SAMMSON: variants seen among roughly 807,000 people sequenced by gnomAD.
SAMMSON encodes the protein long intergenic non-protein coding RNA 1212.
chr3:70,208,489 A>T (rs979225869), intron 4 of SAMMSON, among the ~76,000 whole-genome samples: 1 of 152,048 alleles, frequency 6.6e-6, no homozygotes, highest in East Asian at 1.9e-4. Context: ...CACCTGGAAA[A>T]TCTTTTTAAA....
chr3:70,172,565 G>A (rs1376804641), intron 4 of SAMMSON: 1 of 152,008 alleles, frequency 6.6e-6, no homozygotes, highest in Non-Finnish European at 1.5e-5. Context: ...CTTGGAAGAT[G>A]TCAGACCTGT....
At chr3:70,173,104 A>G (rs199684301) in intron 4 of SAMMSON, among the ~76,000 whole-genome samples, 1 of 151,962 alleles carries the variant, frequency 6.6e-6, no homozygotes, top group East Asian at 1.9e-4. Flanking sequence ...TTGACCACTA[A>G]AAGCCCACTA....
chr3:70,432,403 A>G (rs1469416767), intron 2 of SAMMSON, among the ~76,000 whole-genome samples: 6 of 151,726 alleles, frequency 4.0e-5, no homozygotes, highest in African/African-American at 9.7e-5. Context: ...TCAAATATAT[A>G]TATATATATA....
At chr3:70,172,738 A>T (rs1197867339) in intron 4 of SAMMSON, 3 of 151,994 alleles carry the variant, frequency 2.0e-5, no homozygotes, top group Non-Finnish European at 1.5e-5. Context: ...GGACAGAACT[A>T]TTTCTCATGG....
At chr3:70,270,839 A>T (rs1701969122) in intron 6 of SAMMSON, among the ~76,000 whole-genome samples, 1 of 152,100 alleles carries the variant, frequency 6.6e-6, no homozygotes, top group African/African-American at 2.4e-5. Flanking sequence ...AGCAATTAGA[A>T]CACATGGACA....
intron 7 of SAMMSON, among the ~76,000 whole-genome samples, chr3:70,342,613 C>T (rs1284490832): frequency 6.6e-6 from 1 of 152,016 alleles, no homozygotes; most frequent in Non-Finnish European, 1.5e-5. Flanking sequence ...CAATGGAATC[C>T]CAAGTGTCTT....
chr3:70,405,082 C>G (rs561190933), intron 2 of SAMMSON, among the ~76,000 whole-genome samples: 1 of 152,262 alleles, frequency 6.6e-6, no homozygotes, highest in South Asian at 2.1e-4. Flanking sequence ...ATTCCCAGAG[C>G]TCTCATAGGC....
chr3:70,203,099 A>G (rs1188853875), intron 4 of SAMMSON, among the ~76,000 whole-genome samples: 6 of 152,086 alleles, frequency 3.9e-5, no homozygotes, highest in Non-Finnish European at 4.4e-5. Context: ...AGGACTCCTT[A>G]TCCTAAGTGG....
chr3:70,351,105 A>G (rs998406082), intron 7 of SAMMSON, among the ~76,000 whole-genome samples: 2 of 152,140 alleles, frequency 1.3e-5, no homozygotes, highest in African/African-American at 2.4e-5. Context: ...TTATAAAATC[A>G]TATCATTGAG....
chr3:70,347,881 C>A (rs1483766819), intron 7 of SAMMSON, among the ~76,000 whole-genome samples: 2 of 151,988 alleles, frequency 1.3e-5, no homozygotes, highest in Non-Finnish European at 2.9e-5. Flanking sequence ...CATCTCTACC[C>A]AAAATACAAA....
At chr3:70,015,761 T>A (rs2107578835) in intron 3 of SAMMSON, among the ~76,000 whole-genome samples, 1 of 152,256 alleles carries the variant, frequency 6.6e-6, no homozygotes, top group South Asian at 2.1e-4. Context: ...CCCCTTCCTG[T>A]GTCCAAGTGT....
intron 4 of SAMMSON, among the ~76,000 whole-genome samples, chr3:70,193,236 TAGG>T (rs1199232847): frequency 6.6e-6 from 1 of 152,150 alleles, no homozygotes; most frequent in Admixed American, 6.5e-5. Flanking sequence ...CCTGTAATAT[TAGG>T]AGCAATTCAG....
intron 4 of SAMMSON, chr3:70,196,905 G>T: frequency 2.5e-6 from 1 of 398,452 alleles, no homozygotes; most frequent in South Asian, 1.3e-4. Flanking sequence ...AGGACTGCCG[G>T]AATGTGGTTA....
At chr3:70,398,513 A>G (rs1701111303) in intron 2 of SAMMSON, among the ~76,000 whole-genome samples, 1 of 152,222 alleles carries the variant, frequency 6.6e-6, no homozygotes, top group South Asian at 2.1e-4. Flanking sequence ...TTTGTTCTGA[A>G]CAGCACACAT....
chr3:70,285,454 T>A (rs924918780), intron 6 of SAMMSON, among the ~76,000 whole-genome samples: 9 of 152,062 alleles, frequency 5.9e-5, no homozygotes, highest in Non-Finnish European at 1.2e-4. Flanking sequence ...ATCCAGTCTA[T>A]CATTGTTGGA....
intron 3 of SAMMSON, among the ~76,000 whole-genome samples, chr3:70,018,171 T>C (rs538845341): frequency 2.6e-3 from 396 of 150,632 alleles, no homozygotes; most frequent in Non-Finnish European, 4.0e-3. Flanking sequence ...ACCAGCTCCT[T>C]CTTGTACCTC....
chr3:70,353,831 A>G (rs963144223), intron 7 of SAMMSON, among the ~76,000 whole-genome samples: 4 of 152,230 alleles, frequency 2.6e-5, no homozygotes, highest in African/African-American at 9.6e-5. Context: ...ATGTCCTTCA[A>G]TGGGTGAATG....
At chr3:70,197,323 C>A in intron 4 of SAMMSON, 1 of 396,780 alleles carries the variant, frequency 2.5e-6, no homozygotes, top group Admixed American at 4.4e-5. Context: ...GTACACCCTT[C>A]TTCTCTCAAG....
At chr3:70,121,277 A>C (rs2067432083) in intron 4 of SAMMSON, among the ~76,000 whole-genome samples, 1 of 152,166 alleles carries the variant, frequency 6.6e-6, no homozygotes, top group Non-Finnish European at 1.5e-5. Flanking sequence ...CTAACAGGCC[A>C]CAGATCAGTA....
Sources: allele counts gnomAD v4.1 joint callset (sites outside exome capture counted in the v4.1 genomes callset), GRCh38; gene constraint gnomAD v4.1.1; transcripts MANE v1.5; gene names NCBI Gene and HGNC (gene_info 2026-07-23, HGNC 2026-07-21).